The following USP25 variants were observed in gnomAD, a reference collection of about 807,000 sequenced individuals.
USP25 encodes ubiquitin specific peptidase 25, also known as ubiquitin carboxyl-terminal hydrolase 25.
A neutral mutation model predicts 158.5 loss-of-function variants in USP25; 85 were observed. That is an observed-to-expected ratio of 0.54 (90% confidence interval 0.45 to 0.64). The LOEUF is 0.64. Among genes scored for constraint, USP25 ranks in the 30% least tolerant of loss-of-function variants. The probability of loss-of-function intolerance (pLI) is 0.00; values close to 1 mark genes in which losing one functional copy is unlikely to be tolerated. For synonymous variants in USP25, 464 were observed against 460.4 expected (o/e 1.01, Z -0.10); for missense variants, 1,242 against 1,327.3 (o/e 0.94, Z 1.00).
chr21:15,841,528 A>AT (rs1458893139), intron 17 of USP25, among the ~76,000 whole-genome samples: 1 of 152,134 alleles, frequency 6.6e-6, no homozygotes, highest in African/African-American at 2.4e-5. Flanking sequence ...TGCTTACTGC[A>AT]TGGACTCTCC....
chr21:15,758,217 T>C (rs1186151164), intron 1 of USP25, among the ~76,000 whole-genome samples: 1 of 152,190 alleles, frequency 6.6e-6, no homozygotes, highest in Non-Finnish European at 1.5e-5. Context: ...ACTACTTTCT[T>C]AATGGAAGGA....
chr21:15,843,236 A>G lies in USP25; in HGVS notation c.2337+696A>G, dbSNP rs1456332575. Among the ~76,000 whole-genome samples, 2 of 152,156 alleles carry G rather than the reference A, an allele frequency of 1.3e-5. No individual in the cohort carries two copies. Among genetic ancestry groups the G allele is most frequent in the African/African-American group, 4.8e-5 (2 of 41,442 alleles). On this transcript the variant is annotated intron_variant, in intron 18 of 25. Transcript: ENST00000400183. This position sits in a 1 kb window ranked among gnomAD's most constrained non-coding sequence, Gnocchi z 4.0. ...TACTACTAAACCTTTTAGTTCCTGT[A>G]GTCATTTATCTTTTATTAGTGAGCA...
chr21:15,787,546 C>T (rs28484960), intron 4 of USP25, among the ~76,000 whole-genome samples: 18,689 of 152,040 alleles, frequency 0.12, 3,403 homozygotes, highest in African/African-American at 0.4. Flanking sequence ...ATCATTAAGA[C>T]ACATTAAAGA....
At chr21:15,848,262 C>G (rs141734876) in intron 19 of USP25, among the ~76,000 whole-genome samples, 1 of 152,234 alleles carries the variant, frequency 6.6e-6, no homozygotes, top group African/African-American at 2.4e-5. Flanking sequence ...TAAGTCATCA[C>G]CGTTACTGAG....
intron 17 of USP25, among the ~76,000 whole-genome samples, chr21:15,836,371 T>G (rs1279707581): frequency 1.3e-5 from 2 of 152,206 alleles, no homozygotes; most frequent in African/African-American, 4.8e-5. Flanking sequence ...CACCATTCGT[T>G]CCCTACTGAG....
chr21:15,733,375 A>G (rs2031155319), intron 1 of USP25, among the ~76,000 whole-genome samples: 1 of 152,282 alleles, frequency 6.6e-6, no homozygotes, highest in Non-Finnish European at 1.5e-5. Flanking sequence ...GAAATAAGTG[A>G]CTGGTTTCCA....
chr21:15,769,040 T>G (rs2034199304), intron 3 of USP25, among the ~76,000 whole-genome samples: 1 of 149,640 alleles, frequency 6.7e-6, no homozygotes, highest in East Asian at 1.9e-4. Context: ...AAGGAATAAA[T>G]TTTTTTTTTG....
At chr21:15,730,976 G>GTTTTTTTTTTTTTTTTTTTTTTT (rs748732727) in intron 1 of USP25, among the ~76,000 whole-genome samples, 3 of 53,648 alleles carry the variant, frequency 5.6e-5, no homozygotes, top group Admixed American at 5.1e-4. Flanking sequence ...CTTCTTTTCT[G>GTTTTTTTTTTTTTTTTTTTTTTT]TTTTTTTTTT....
At position 15,879,320 on chromosome 21, in the gene USP25, A is replaced by G. The variant is rs1310606859; in HGVS notation, c.*845A>G. 2.0e-5 allele frequency: 3 copies of G among 152,454 alleles called. No individual in the cohort carries two copies. Among genetic ancestry groups the G allele is most frequent in the South Asian group, 2.1e-4 (1 of 4,838 alleles). The allele number at this position is 152,454 out of a possible 1,614,324, so 9.4% of individuals were successfully genotyped here. A position where few individuals can be genotyped will look rare whatever the true frequency, so the allele number is the denominator to read the frequency against. On this transcript the variant is annotated 3_prime_UTR_variant, in exon 26 of 26. Transcript: ENST00000400183. ...TGTAAAATTTAAAAGAAATATTTAT[A>G]TATACACATATATACACATACACAC...
intron 20 of USP25, among the ~76,000 whole-genome samples, chr21:15,862,492 T>C (rs890760650): frequency 6.6e-6 from 1 of 151,980 alleles, no homozygotes; most frequent in African/African-American, 2.4e-5. Flanking sequence ...ACAAGAACAG[T>C]AATTGAATTG....
intron 4 of USP25, 81 bp from the exon 5 acceptor site, chr21:15,791,421 T>G: frequency 7.4e-7 from 1 of 1,352,562 alleles, no homozygotes; most frequent in Non-Finnish European, 9.7e-7. Context: ...TCTTATGTAA[T>G]GAAAATGCTT....
At chr21:15,811,725 A>G (rs988921777) in intron 9 of USP25, among the ~76,000 whole-genome samples, 12 of 152,326 alleles carry the variant, frequency 7.9e-5, no homozygotes, top group African/African-American at 2.9e-4. Flanking sequence ...ACTCCATTTA[A>G]GCTAAATACC....
chr21:15,812,540 A>G (rs1294316203), intron 9 of USP25, among the ~76,000 whole-genome samples: 1 of 151,814 alleles, frequency 6.6e-6, no homozygotes, highest in Non-Finnish European at 1.5e-5. Flanking sequence ...AGTCCCAGCT[A>G]CTCAGGAGGC....
chr21:15,803,931 A>T (rs1375453851), intron 6 of USP25, among the ~76,000 whole-genome samples: 1 of 151,946 alleles, frequency 6.6e-6, no homozygotes, highest in Admixed American at 6.6e-5. Context: ...ATACACCCCC[A>T]TCCCAGACCC....
chr21:15,730,304 T>C lies in USP25; in HGVS notation c.-90T>C, dbSNP rs931917903. 2.6e-5 allele frequency: 26 copies of C among 1,014,572 alleles called. No homozygotes were observed. Among genetic ancestry groups the C allele is most frequent in the Non-Finnish European group, 3.1e-5 (26 of 850,058 alleles). 62.8% of individuals were successfully genotyped at this position (1,014,572 alleles called of 1,614,324 possible). On this transcript the variant is annotated 5_prime_UTR_variant, in exon 1 of 26. Transcript: ENST00000400183. Reference sequence around the variant, plus strand: ...CTCCCAGGCCGTCCGCGCCGCTCCCTGGAGCTCGGCGGAGCGCGGCAGCCA... The same window carrying C: ...CTCCCAGGCCGTCCGCGCCGCTCCCCGGAGCTCGGCGGAGCGCGGCAGCCA...
chr21:15,790,937 C>T (rs753669250), intron 4 of USP25, among the ~76,000 whole-genome samples: 4 of 151,792 alleles, frequency 2.6e-5, no homozygotes, highest in Non-Finnish European at 5.9e-5. Flanking sequence ...CAAAGGCAAA[C>T]TTTTGGGCAA....
chr21:15,817,166 A>G (rs534986707), intron 9 of USP25, among the ~76,000 whole-genome samples: 2 of 141,452 alleles, frequency 1.4e-5, no homozygotes, highest in African/African-American at 3.0e-5. Context: ...ATCATCATCT[A>G]GTTGTTCAAA....
chr21:15,859,992 T>TATATATATATATATATATATATATA (rs1491579050), intron 20 of USP25, among the ~76,000 whole-genome samples: 2 of 84,842 alleles, frequency 2.4e-5, no homozygotes, highest in African/African-American at 1.6e-4. Flanking sequence ...TATATCTATA[T>TATATATATATATATATATATATATA]TTTTTTTTTT....
chr21:15,777,397 T>TA (rs148398513), intron 3 of USP25, among the ~76,000 whole-genome samples: 5,755 of 152,246 alleles, frequency 0.038, 343 homozygotes, highest in African/African-American at 0.13. Flanking sequence ...TTTCAGAATT[T>TA]AAAAAATGTA....
Sources: allele counts gnomAD v4.1 joint callset (sites outside exome capture counted in the v4.1 genomes callset), GRCh38; gene constraint gnomAD v4.1.1; non-coding constraint Gnocchi (gnomAD v3.1); transcripts MANE v1.5; gene names NCBI Gene and HGNC (gene_info 2026-07-23, HGNC 2026-07-21).